The following DGCR2 variants were observed in gnomAD, a reference collection of about 807,000 sequenced individuals.
DGCR2 encodes the protein DiGeorge syndrome critical region gene 2, also known as integral membrane protein DGCR2/IDD.
A neutral mutation model predicts 51.6 loss-of-function variants in DGCR2; 24 were observed. That is an observed-to-expected ratio of 0.47 (90% confidence interval 0.34 to 0.65). DGCR2 has a LOEUF of 0.65. DGCR2 is among the 30% of genes least tolerant of loss of function. The pLI, the probability that DGCR2 is intolerant of heterozygous loss-of-function variation, is 0.01. For synonymous variants in DGCR2, 340 were observed against 315.4 expected (o/e 1.08, Z -0.82); for missense variants, 765 against 772.1 (o/e 0.99, Z 0.11).
chr22:19,100,941 C>T (rs2146033451), intron 1 of DGCR2, among the ~76,000 whole-genome samples: 1 of 151,304 alleles, frequency 6.6e-6, no homozygotes, highest in South Asian at 2.1e-4. Flanking sequence ...CCTGTATCTA[C>T]CAAAAAATAC....
At chr22:19,065,796 C>A (rs1302601615) in intron 3 of DGCR2, 2 of 152,226 alleles carry the variant, frequency 1.3e-5, no homozygotes, top group African/African-American at 4.8e-5. Flanking sequence ...AATCTTTAAC[C>A]TTCAAATGTT....
At position 19,036,932 on chromosome 22, in the gene DGCR2, C is replaced by A. The variant is rs1482566799; in HGVS notation, c.*1933G>T. 6.6e-6 allele frequency: 1 copy of A among 152,458 alleles called. No homozygotes were observed. The highest frequency in any genetic ancestry group is 2.4e-5 in the African/African-American group (1 of 41,462). 9.4% of individuals were successfully genotyped at this position (152,458 alleles called of 1,614,324 possible). A position where few individuals can be genotyped will look rare whatever the true frequency, so the allele number is the denominator to read the frequency against. On this transcript the variant is annotated 3_prime_UTR_variant, in exon 10 of 10. Transcript: ENST00000263196. The stretch of plus-strand genomic sequence containing the variant: ...CGTGCCAGCCACCCTGTCCCGCACA[C>A]ACAGTTCTGAGGCCTGGCAGGAATC...
Position 19,063,194 on chromosome 22 carries a change from G to C in DGCR2, c.625+8C>G, listed in dbSNP as rs1485713880. Reference sequence around the variant, plus strand: ...CTTCAAACACTCCCACACACCAGAAGGGCTCACCTTTGAATGCCACCTCCC... The same window carrying C: ...CTTCAAACACTCCCACACACCAGAACGGCTCACCTTTGAATGCCACCTCCC... On this transcript the variant is annotated splice_region_variant and intron_variant, in intron 5 of 9. Coordinates refer to ENST00000263196, the MANE Select transcript of DGCR2 (RefSeq NM_005137.3). The C allele has an allele frequency of 4.3e-6, 7 of 1,613,916 alleles. No homozygotes were observed. Among genetic ancestry groups the C allele is most frequent in the Non-Finnish European group, 5.9e-6 (7 of 1,179,794 alleles).
intron 6 of DGCR2, among the ~76,000 whole-genome samples, chr22:19,049,769 G>T (rs1426403397): frequency 1.3e-5 from 2 of 150,758 alleles, no homozygotes; most frequent in Non-Finnish European, 1.5e-5. Context: ...GTAGGTTGCA[G>T]TGAGCAGAGA....
intron 1 of DGCR2, among the ~76,000 whole-genome samples, chr22:19,114,364 G>A (rs1362397504): frequency 6.6e-6 from 1 of 152,212 alleles, no homozygotes; most frequent in East Asian, 1.9e-4. Flanking sequence ...ATGCCCCATG[G>A]CTTACCATGC....
Position 19,089,430 on chromosome 22 carries a change from A to T in DGCR2, c.140T>A (p.Leu47His). Residue 47 changes from leucine (L) to histidine (H), a missense_variant, in exon 2 of 10, where the codon CTC (leucine) becomes CAC (histidine). Around this residue, in one of 3 missense-constraint regions of DGCR2, gnomAD observed 370 missense variants for 325.5 expected, o/e 1.14. Transcript: ENST00000263196. ...CRSGTIQCIPLPWQCDGWATC... is the reference protein window; with the variant it reads ...CRSGTIQCIPHPWQCDGWATC... ...CGCCCAGCCGTCACACTGCCAGGGG[A>T]GGGGGATGCACTGGATGGTGCCGCT... 6.2e-7 allele frequency: 1 copy of T among 1,609,436 alleles called. No individual in the cohort carries two copies. Among genetic ancestry groups the T allele is most frequent in the South Asian group, 1.1e-5 (1 of 90,266 alleles).
At chr22:19,041,755 T>A in intron 8 of DGCR2, 52 bp downstream of exon 8, 1 of 1,579,478 alleles carries the variant, frequency 6.3e-7, no homozygotes, top group Non-Finnish European at 8.6e-7. Context: ...AGACATGGGG[T>A]GACCTGGGGT....
At chr22:19,103,981 C>T (rs942505440) in intron 1 of DGCR2, among the ~76,000 whole-genome samples, 1 of 151,968 alleles carries the variant, frequency 6.6e-6, no homozygotes, top group Non-Finnish European at 1.5e-5. Context: ...ATGACCCAGC[C>T]ACTGCAATCC....
intron 1 of DGCR2, among the ~76,000 whole-genome samples, chr22:19,111,126 G>C (rs2083309720): frequency 6.6e-6 from 1 of 152,110 alleles, no homozygotes; most frequent in Non-Finnish European, 1.5e-5. Context: ...TACAAAAGAA[G>C]GTGACACTCT....
intron 1 of DGCR2, among the ~76,000 whole-genome samples, chr22:19,091,487 TTATG>T (rs923983605): frequency 3.9e-5 from 6 of 152,354 alleles, no homozygotes; most frequent in African/African-American, 1.2e-4. Context: ...TCCTAAATGT[TTATG>T]TATCTATTAA....
chr22:19,058,850 T>C (rs2082630608), intron 5 of DGCR2, among the ~76,000 whole-genome samples: 1 of 152,212 alleles, frequency 6.6e-6, no homozygotes, highest in South Asian at 2.1e-4. Context: ...TGTGGCACTC[T>C]AGGCCAGGGC....
chr22:19,039,118 T>C lies in DGCR2; in HGVS notation c.1400A>G (p.Asp467Gly), dbSNP rs768372131. The change falls in exon 10 of 10, where the codon GAT (aspartate) becomes GGT (glycine). Residue 467 changes from aspartate (D) to glycine (G), a missense_variant. Around this residue, in one of 3 missense-constraint regions of DGCR2, gnomAD observed 205 missense variants for 181.4 expected, o/e 1.13. Coordinates refer to ENST00000263196, the MANE Select transcript of DGCR2 (RefSeq NM_005137.3). ...PDSVFYDPADDDAFEPVEVSL... is the reference protein window; with the variant it reads ...PDSVFYDPADGDAFEPVEVSL... ...GACCTCCACAGGCTCAAAAGCATCA[T>C]CGTCTGCAGGAAGAGACAGAGGGGT... 6.2e-7 allele frequency: 1 copy of C among 1,612,946 alleles called. No homozygotes were observed.
intron 1 of DGCR2, among the ~76,000 whole-genome samples, chr22:19,101,663 C>G (rs1447046684): frequency 6.7e-6 from 1 of 149,104 alleles, no homozygotes; most frequent in African/African-American, 2.5e-5. Context: ...ATCACTTGAA[C>G]CAGGGAGATG....
chr22:19,077,033 T>C (rs2082885638), intron 2 of DGCR2, among the ~76,000 whole-genome samples: 1 of 152,184 alleles, frequency 6.6e-6, no homozygotes, highest in Admixed American at 6.5e-5. Context: ...CCTTTGCACA[T>C]TTTTTAACCA....
chr22:19,118,173 A>G (rs2083392626), intron 1 of DGCR2, among the ~76,000 whole-genome samples: 1 of 152,164 alleles, frequency 6.6e-6, no homozygotes, highest in South Asian at 2.1e-4. Context: ...GTTTGAGACC[A>G]GCCTACATGG....
intron 3 of DGCR2, among the ~76,000 whole-genome samples, chr22:19,067,677 C>A (rs559808330): frequency 6.6e-6 from 1 of 150,392 alleles, no homozygotes; most frequent in African/African-American, 2.4e-5. Context: ...GGGTGACAAG[C>A]GTGAGACTCC....
Position 19,112,270 on chromosome 22 carries a change from CT to C in DGCR2, c.79+9857del, listed in dbSNP as rs1190278354. On this transcript the variant is annotated intron_variant, in intron 1 of 9. Transcript: ENST00000263196. ...CCTAGGTGACACAGCAAGACTCCAT[CT>C]TTTAAAAAAAAAAAAAAAAAACCTA... 2.8e-4 allele frequency among the ~76,000 whole-genome samples: 30 copies of C among 107,576 alleles called. No homozygotes were observed. In the East Asian group the frequency reaches 5.8e-3, roughly 21 times the overall value. 70.6% of individuals were successfully genotyped at this position (107,576 alleles called of 152,430 possible).
At chr22:19,052,414 T>TCA (rs34670843) in intron 6 of DGCR2, among the ~76,000 whole-genome samples, 12,491 of 148,482 alleles carry the variant, frequency 0.084, 611 homozygotes, top group Middle Eastern at 0.12. Context: ...AGACTCTGTC[T>TCA]CACACACACA....
rs1364828003 is a variant in DGCR2, at chr22:19,037,154, CTTG to C, written c.*1708_*1710del. 2 of 152,246 alleles carry C rather than the reference CTTG, an allele frequency of 1.3e-5. No individual in the cohort carries two copies. Among genetic ancestry groups the C allele is most frequent in the Non-Finnish European group, 2.9e-5 (2 of 68,076 alleles). The allele number at this position is 152,246 out of a possible 1,614,324, so 9.4% of individuals were successfully genotyped here. On this transcript the variant is annotated 3_prime_UTR_variant, in exon 10 of 10. Coordinates refer to ENST00000263196, the MANE Select transcript of DGCR2 (RefSeq NM_005137.3). ...AGGGGACTCCTGTGGCCAGGACTTC[CTTG>C]TTAAGTAGCAGCCCTTCTCCAAGGG... is the stretch of plus-strand genomic sequence containing the variant.
Sources: allele counts gnomAD v4.1 joint callset (sites outside exome capture counted in the v4.1 genomes callset), GRCh38; gene constraint gnomAD v4.1.1; regional missense constraint gnomAD v4.1.1; transcripts MANE v1.5; gene names NCBI Gene and HGNC (gene_info 2026-07-23, HGNC 2026-07-21).